Variants in CDH20 observed in about 807,000 individuals in gnomAD.
The protein encoded by CDH20 is cadherin 20.
CDH20 carries 29 observed loss-of-function variants against 74.2 expected under a neutral mutation model. The observed-to-expected ratio is 0.39, with a 90% CI of 0.29 to 0.53. CDH20 has a LOEUF of 0.53. Among genes scored for constraint, CDH20 ranks in the 20% least tolerant of loss-of-function variants. CDH20 has a pLI of 0.69. For missense variants in CDH20, 988 were observed against 1,048.3 expected (o/e 0.94, Z 0.79); for synonymous variants, 469 against 405.4 (o/e 1.16, Z -1.88).
chr18:61,434,521 C>T lies in CDH20; in HGVS notation c.-152-55881C>T, dbSNP rs577150040. On this transcript the variant is annotated intron_variant, in intron 1 of 11. Transcript: ENST00000262717. ...CCCTGTAAGGGAGCTATTATAATTA[C>T]CAGATTCTTACAGATAGGGAAACTG... Among the ~76,000 whole-genome samples, 8 of 152,222 alleles carry T rather than the reference C, an allele frequency of 5.3e-5. No homozygotes were observed. In the South Asian group the frequency reaches 1.5e-3, roughly 28 times the overall value.
intron 1 of CDH20, among the ~76,000 whole-genome samples, chr18:61,467,584 A>T (rs2144371457): frequency 6.6e-6 from 1 of 152,346 alleles, no homozygotes; most frequent in South Asian, 2.1e-4. Flanking sequence ...TAATGAAGGA[A>T]AAGATCCAAA....
chr18:61,363,018 C>A (rs1293211237), intron 1 of CDH20, among the ~76,000 whole-genome samples: 1 of 152,066 alleles, frequency 6.6e-6, no homozygotes, highest in East Asian at 1.9e-4. Context: ...GTCTTCTTGC[C>A]ATCATCGTGA....
chr18:61,456,587 C>T (rs1438508221), intron 1 of CDH20, among the ~76,000 whole-genome samples: 1 of 151,820 alleles, frequency 6.6e-6, no homozygotes, highest in African/African-American at 2.4e-5. Flanking sequence ...GGGAGCAAAA[C>T]ATTTTTAGCC....
intron 1 of CDH20, among the ~76,000 whole-genome samples, chr18:61,434,028 G>A (rs904653602): frequency 1.3e-5 from 2 of 152,036 alleles, no homozygotes; most frequent in African/African-American, 4.8e-5. Context: ...GACTACATAT[G>A]TATATGTACT....
chr18:61,362,034 GGTGA>G (rs1298193551), intron 1 of CDH20, among the ~76,000 whole-genome samples: 1 of 152,052 alleles, frequency 6.6e-6, no homozygotes, highest in Non-Finnish European at 1.5e-5. Context: ...CTCCAGGGAG[GGTGA>G]GTGAATCACC....
chr18:61,495,307 G>A (rs1052635107), intron 2 of CDH20, among the ~76,000 whole-genome samples: 1 of 152,214 alleles, frequency 6.6e-6, no homozygotes, highest in Non-Finnish European at 1.5e-5. Flanking sequence ...GAAACCAAAT[G>A]TGTATTCTAC....
intron 10 of CDH20, 128 bp downstream of exon 10, chr18:61,545,272 C>T: frequency 1.6e-6 from 1 of 633,776 alleles, no homozygotes. Context: ...GTTAATAATT[C>T]AGTGTATTTT....
chr18:61,401,633 G>A (rs1342387045), intron 1 of CDH20, among the ~76,000 whole-genome samples: 3 of 152,186 alleles, frequency 2.0e-5, no homozygotes, highest in African/African-American at 7.2e-5. Context: ...GATTTTCCAT[G>A]TTCATTGTTC....
At chr18:61,483,170 C>A (rs984158477) in intron 1 of CDH20, among the ~76,000 whole-genome samples, 14 of 152,250 alleles carry the variant, frequency 9.2e-5, no homozygotes, top group Non-Finnish European at 2.1e-4. Context: ...GGTCCTGTAA[C>A]CCTCATCACC....
intron 1 of CDH20, among the ~76,000 whole-genome samples, chr18:61,433,545 T>C (rs1278815941): frequency 6.6e-6 from 1 of 152,126 alleles, no homozygotes; most frequent in East Asian, 1.9e-4. Flanking sequence ...CACTTCAAAG[T>C]AGAAACATGA....
intron 1 of CDH20, among the ~76,000 whole-genome samples, chr18:61,431,214 A>G (rs1440920493): frequency 1.3e-5 from 2 of 152,148 alleles, no homozygotes; most frequent in East Asian, 1.9e-4. Context: ...ATGTAACCAT[A>G]AGAAAAACAT....
intron 1 of CDH20, among the ~76,000 whole-genome samples, chr18:61,467,041 A>G (rs1043482509): frequency 1.3e-5 from 2 of 152,142 alleles, no homozygotes; most frequent in Non-Finnish European, 1.5e-5. Context: ...TTTGTTACAA[A>G]CAAGGCTGCA....
At chr18:61,453,370 C>A (rs546068869) in intron 1 of CDH20, among the ~76,000 whole-genome samples, 1 of 152,130 alleles carries the variant, frequency 6.6e-6, no homozygotes, top group Non-Finnish European at 1.5e-5. Flanking sequence ...CTCCATCTCC[C>A]GGGTTCAAGT....
chr18:61,421,407 C>T (rs930496168), intron 1 of CDH20, among the ~76,000 whole-genome samples: 1 of 152,116 alleles, frequency 6.6e-6, no homozygotes, highest in Admixed American at 6.5e-5. Context: ...GGCATAACTC[C>T]TACTTTATAT....
intron 7 of CDH20, among the ~76,000 whole-genome samples, chr18:61,531,955 CCT>C (rs984673099): frequency 1.1e-4 from 16 of 152,304 alleles, no homozygotes; most frequent in African/African-American, 3.4e-4. Context: ...CTATAAATAC[CCT>C]GTCTTGGGTA....
Position 61,507,540 on chromosome 18 carries a change from G to A in CDH20, c.997G>A (p.Gly333Ser), listed in dbSNP as rs751903422. 1 of 1,608,628 alleles carries A rather than the reference G, an allele frequency of 6.2e-7. No homozygotes were observed. The highest frequency in any genetic ancestry group is 8.5e-7 in the Non-Finnish European group (1 of 1,177,552). ...TAGCACAGATCCCAATTTCCAAGTT[G>A]GTATCATAACTGTGAAGAAGGTAAT... ...DISTDPNFQV[G>S]IITVKKPLSF... The change falls in exon 6 of 12, where the codon GGT (glycine) becomes AGT (serine). Residue 333 changes from glycine to serine, a missense_variant. By Grantham distance (56) the Gly-to-Ser change is moderately conservative. Transcript: ENST00000262717.
At chr18:61,471,770 A>G (rs947136247) in intron 1 of CDH20, among the ~76,000 whole-genome samples, 1 of 152,276 alleles carries the variant, frequency 6.6e-6, no homozygotes, top group East Asian at 1.9e-4. Flanking sequence ...CAACAAACCC[A>G]TTCCTGGCTG....
intron 1 of CDH20, among the ~76,000 whole-genome samples, chr18:61,375,148 G>A (rs940820643): frequency 5.3e-5 from 8 of 152,254 alleles, no homozygotes; most frequent in Admixed American, 5.2e-4. Context: ...TTCATCTGGG[G>A]TTCCGTCCAG....
intron 1 of CDH20, among the ~76,000 whole-genome samples, chr18:61,399,651 C>T (rs1217446751): frequency 1.3e-5 from 2 of 152,102 alleles, no homozygotes; most frequent in Admixed American, 6.5e-5. Flanking sequence ...CTCTCTCCAC[C>T]CCTGCCTAAA....
Sources: gnomAD v4.1 joint callset for allele counts (sites outside exome capture counted in the v4.1 genomes callset) on GRCh38, gnomAD v4.1.1 for gene constraint, MANE v1.5 for transcripts, NCBI Gene and HGNC (gene_info 2026-07-23, HGNC 2026-07-21) for gene names.